Variants in MEGF6 observed in about 807,000 individuals in gnomAD.
The protein encoded by MEGF6 is multiple epidermal growth factor-like domains protein 6.
MEGF6 carries 184 observed loss-of-function variants against 207.1 expected under a neutral mutation model. The ratio of observed to expected loss-of-function variants is 0.89; its 90% CI spans 0.79 to 1.00. The LOEUF (loss-of-function observed/expected upper bound fraction) is 1.00, where lower values mean the gene tolerates loss of function less well. MEGF6 is among the 50% of genes least tolerant of loss of function. MEGF6 has a pLI of 0.00. For missense variants in MEGF6, 2,282 were observed against 2,202.9 expected, an observed-to-expected ratio of 1.04 and a Z score of -0.72; for synonymous variants, 1,038 against 910.0, an observed-to-expected ratio of 1.14 and a Z score of -2.53.
chr1:3,563,633 G>C (rs1186990978), intron 4 of MEGF6, among the ~76,000 whole-genome samples: 1 of 152,236 alleles, frequency 6.6e-6, no homozygotes, highest in Non-Finnish European at 1.5e-5. Context: ...CTCATGAGCT[G>C]GGTTTGGCGT....
At chr1:3,601,779 G>A (rs1557426991) in intron 2 of MEGF6, among the ~76,000 whole-genome samples, 1 of 152,242 alleles carries the variant, frequency 6.6e-6, no homozygotes, top group Non-Finnish European at 1.5e-5. Context: ...AGAGCCCCCT[G>A]GAGCAGGTAC....
rs373773416 is a variant in MEGF6, at chr1:3,524,204, C to T, written c.524G>A (p.Arg175Gln). ...GTAGGAGCCTGGGGTGTTCACGCAC[C>T]GGTGCTGGCAGCCACCGTTGTGGGT... ...CRTHNGGCQH[R>Q]CVNTPGSYLC... Residue 175 changes from arginine to glutamine, a missense_variant, in exon 5 of 37, where the codon CGG becomes CAG. Arg to Gln is a conservative substitution (Grantham distance 43). Transcript: ENST00000356575. 3.9e-5 allele frequency: 63 copies of T among 1,612,718 alleles called. No individual in the cohort carries two copies. The highest frequency in any genetic ancestry group is 1.1e-4 in the African/African-American group (8 of 74,932).
At chr1:3,618,476 G>T in the MEGF6 span, among the ~76,000 whole-genome samples, 1 of 152,124 alleles carries the variant, frequency 6.6e-6, no homozygotes, top group East Asian at 1.9e-4. The surrounding 1 kb of genome is among the most constrained non-coding windows in gnomAD (Gnocchi z 4.7). Flanking sequence ...CCATCCTCCT[G>T]CTGGGGTGCA....
At chr1:3,543,178 G>A (rs1642583533) in intron 4 of MEGF6, among the ~76,000 whole-genome samples, 1 of 152,336 alleles carries the variant, frequency 6.6e-6, no homozygotes, top group Non-Finnish European at 1.5e-5. Flanking sequence ...CCAGGGCCGG[G>A]GCACCCTGAG....
chr1:3,503,827 G>A (rs1640998686), intron 17 of MEGF6, among the ~76,000 whole-genome samples: 1 of 152,114 alleles, frequency 6.6e-6, no homozygotes, highest in South Asian at 2.1e-4. Context: ...TCCGCGCACT[G>A]ATGAAGCCCT....
At chr1:3,531,067 G>A in intron 4 of MEGF6, 2 of 1,513,206 alleles carry the variant, frequency 1.3e-6, no homozygotes, top group South Asian at 1.2e-5. Context: ...GCCCAGGCTC[G>A]CCCGGCGCCC....
intron 4 of MEGF6, among the ~76,000 whole-genome samples, chr1:3,545,549 G>C (rs533116097): frequency 6.6e-6 from 1 of 152,164 alleles, no homozygotes; most frequent in East Asian, 1.9e-4. Flanking sequence ...AGGCATAGCA[G>C]CTGGGCCCCT....
chr1:3,599,270 T>A (rs2101867300), intron 2 of MEGF6, among the ~76,000 whole-genome samples: 1 of 152,154 alleles, frequency 6.6e-6, no homozygotes. Flanking sequence ...CCTGCTGGCC[T>A]CCCCCCCAGA....
chr1:3,613,969 C>T (rs1212239582), upstream of MEGF6, among the ~76,000 whole-genome samples: 1 of 152,156 alleles, frequency 6.6e-6, no homozygotes. Context: ...GGGTAGGCCC[C>T]AGGTGGAGAG....
At chr1:3,572,628 G>T (rs1470139421) in intron 4 of MEGF6, among the ~76,000 whole-genome samples, 1 of 149,618 alleles carries the variant, frequency 6.7e-6, no homozygotes, top group Non-Finnish European at 1.5e-5. Flanking sequence ...GGTGTGCTGG[G>T]TCCTTCCTGG....
Position 3,590,595 on chromosome 1 carries a change from C to A in MEGF6, c.376+4743G>T, listed in dbSNP as rs1331947678. ...GGCGTTAGCCTACTCCTCGCTCCTACACAAACACGGCAGGGCTCCCAGGCC... is the reference window on the plus strand; with the variant it reads ...GGCGTTAGCCTACTCCTCGCTCCTAAACAAACACGGCAGGGCTCCCAGGCC... On this transcript the variant is annotated intron_variant, in intron 3 of 36. Transcript: ENST00000356575. Among the ~76,000 whole-genome samples the A allele has an allele frequency of 4.6e-5, 7 of 151,244 alleles. No homozygotes were observed. In the East Asian group the frequency reaches 1.4e-3, roughly 29 times the overall value.
chr1:3,493,031 G>T, intron 34 of MEGF6: 1 of 509,504 alleles, frequency 2.0e-6, no homozygotes, highest in East Asian at 3.2e-5. Flanking sequence ...AGTCACCACC[G>T]AGTTCCTGCC....
chr1:3,614,543 T>C (rs927438242), upstream of MEGF6, among the ~76,000 whole-genome samples: 3 of 152,230 alleles, frequency 2.0e-5, no homozygotes, highest in Non-Finnish European at 4.4e-5. Context: ...TGACAGTCTG[T>C]GGGACAGTTA....
upstream of MEGF6, among the ~76,000 whole-genome samples, chr1:3,612,970 T>A (rs1231527625): frequency 6.6e-6 from 1 of 152,198 alleles, no homozygotes; most frequent in Non-Finnish European, 1.5e-5. Context: ...GAACTGCAGA[T>A]CCGGGAACTG....
intron 2 of MEGF6, among the ~76,000 whole-genome samples, chr1:3,597,834 A>G (rs2101858590): frequency 6.6e-6 from 1 of 152,284 alleles, no homozygotes; most frequent in South Asian, 2.1e-4. Context: ...TTTTGAAGCC[A>G]CCTGGTTTGT....
chr1:3,621,354 C>T, the MEGF6 span, among the ~76,000 whole-genome samples: 9 of 152,214 alleles, frequency 5.9e-5, no homozygotes, highest in Admixed American at 1.3e-4. Flanking sequence ...TGGCCCTGTC[C>T]GGGCATAACA....
At chr1:3,551,568 C>A (rs1353079196) in intron 4 of MEGF6, among the ~76,000 whole-genome samples, 1 of 152,162 alleles carries the variant, frequency 6.6e-6, no homozygotes, top group African/African-American at 2.4e-5. Flanking sequence ...ACAGACCCAA[C>A]ACATGCTCCC....
At chr1:3,492,339 T>C (rs1041444633) in intron 35 of MEGF6, among the ~76,000 whole-genome samples, 1 of 152,060 alleles carries the variant, frequency 6.6e-6, no homozygotes. Flanking sequence ...AGGCCCCCGG[T>C]GCAGTTTGCA....
chr1:3,495,696 T>C (rs961185504), intron 30 of MEGF6, among the ~76,000 whole-genome samples, 194 bp downstream of exon 30: 4 of 152,108 alleles, frequency 2.6e-5, no homozygotes, highest in Admixed American at 1.3e-4. Flanking sequence ...GGACGGTCCA[T>C]TCCCCCAAGC....
Sources: gnomAD v4.1 joint callset for allele counts (sites outside exome capture counted in the v4.1 genomes callset) on GRCh38, gnomAD v4.1.1 for gene constraint, Gnocchi (gnomAD v3.1) non-coding constraint, MANE v1.5 for transcripts, NCBI Gene and HGNC (gene_info 2026-07-23, HGNC 2026-07-21) for gene names.